RASAL2: variants seen among roughly 807,000 people sequenced by gnomAD.
RASAL2 encodes RAS protein activator like 2.
Under a neutral mutation model 128.9 loss-of-function variants are expected in RASAL2, and 58 were observed. The observed-to-expected ratio is 0.45, with a 90% CI of 0.36 to 0.56. RASAL2 has a LOEUF of 0.56. RASAL2 is among the 20% of genes least tolerant of loss of function. RASAL2 has a pLI of 0.00. For synonymous variants in RASAL2, 561 were observed against 580.8 expected (o/e 0.97, Z 0.49); for missense variants, 1,360 against 1,601.6 (o/e 0.85, Z 2.57).
intron 3 of RASAL2, among the ~76,000 whole-genome samples, 164 bp downstream of exon 3, chr1:178,300,282 A>G (rs1472088705): frequency 1.3e-5 from 2 of 152,244 alleles, no homozygotes; most frequent in African/African-American, 4.8e-5. Flanking sequence ...TCTGTTCTTT[A>G]TAACCAACTG....
chr1:178,277,191 C>T (rs560166636), intron 1 of RASAL2, among the ~76,000 whole-genome samples: 1 of 151,074 alleles, frequency 6.6e-6, no homozygotes, highest in East Asian at 1.9e-4. Flanking sequence ...GTTAATTGGC[C>T]TATTAATATG....
chr1:178,433,543 C>T (rs1291045637), intron 5 of RASAL2, among the ~76,000 whole-genome samples: 4 of 151,904 alleles, frequency 2.6e-5, no homozygotes. Flanking sequence ...TAGATGGATT[C>T]ATACATATAT....
At chr1:178,384,837 C>T (rs1275458082) in intron 3 of RASAL2, among the ~76,000 whole-genome samples, 3 of 151,658 alleles carry the variant, frequency 2.0e-5, no homozygotes, top group African/African-American at 2.4e-5. Flanking sequence ...TTGTTTTTTA[C>T]GCTATGGTAA....
chr1:178,175,656 C>G (rs1661860816), intron 1 of RASAL2, among the ~76,000 whole-genome samples: 2 of 148,746 alleles, frequency 1.3e-5, no homozygotes, highest in Non-Finnish European at 3.0e-5. Context: ...GTACATTGTA[C>G]CCTATATGTA....
At position 178,458,357 on chromosome 1, in the gene RASAL2, G is replaced by A. The variant is rs757685198; in HGVS notation, c.3065G>A (p.Arg1022Gln). 1.6e-5 allele frequency: 26 copies of A among 1,614,086 alleles called. No individual in the cohort carries two copies. Among genetic ancestry groups the A allele is most frequent in the Middle Eastern group, 1.6e-4 (1 of 6,084 alleles). Residue 1022 changes from arginine (R) to glutamine (Q), a missense_variant, in exon 14 of 18, where the codon CGA becomes CAA. By Grantham distance (43) the Arg-to-Gln change is conservative. Transcript: ENST00000367649. The part of the protein sequence containing the change: ...RKVDQGGLGA[R>Q]AKAPPSLPHS... The stretch of plus-strand genomic sequence containing the variant: ...GTGGACCAGGGTGGGTTAGGTGCCC[G>A]AGCCAAAGCCCCACCATCCCTGCCA...
chr1:178,182,291 T>C (rs1662143134), intron 1 of RASAL2, among the ~76,000 whole-genome samples: 1 of 152,198 alleles, frequency 6.6e-6, no homozygotes. Flanking sequence ...ATCCTTACTT[T>C]TTGGCACTAC....
chr1:178,125,949 C>A (rs577178193), intron 1 of RASAL2, among the ~76,000 whole-genome samples: 1 of 152,258 alleles, frequency 6.6e-6, no homozygotes, highest in South Asian at 2.1e-4. Context: ...ACCTAAGGAG[C>A]AAGGGCTGGT....
At chr1:178,270,485 G>A (rs1228983382) in intron 1 of RASAL2, among the ~76,000 whole-genome samples, 1 of 151,626 alleles carries the variant, frequency 6.6e-6, no homozygotes, top group East Asian at 1.9e-4. Context: ...AGCTCTGTAA[G>A]TGTTGCTTTT....
At chr1:178,152,044 T>A (rs529913352) in intron 1 of RASAL2, among the ~76,000 whole-genome samples, 1 of 152,198 alleles carries the variant, frequency 6.6e-6, no homozygotes, top group South Asian at 2.1e-4. Context: ...TGATTACACC[T>A]AAATTTATGC....
chr1:178,464,988 T>G (rs576418097), intron 15 of RASAL2, among the ~76,000 whole-genome samples: 1 of 152,052 alleles, frequency 6.6e-6, no homozygotes, highest in Non-Finnish European at 1.5e-5. Context: ...AACAAGAACC[T>G]TGTCATCATA....
At chr1:178,460,212 C>T (rs1231838631) in intron 14 of RASAL2, among the ~76,000 whole-genome samples, 1 of 152,188 alleles carries the variant, frequency 6.6e-6, no homozygotes, top group Non-Finnish European at 1.5e-5. Flanking sequence ...TGAGATCTGG[C>T]AGAGAGGGAC....
At chr1:178,125,085 CA>C (rs1055509575) in intron 1 of RASAL2, among the ~76,000 whole-genome samples, 1 of 152,122 alleles carries the variant, frequency 6.6e-6, no homozygotes, top group African/African-American at 2.4e-5. Context: ...GCCCAAACAT[CA>C]GTTAGAAAAA....
At chr1:178,195,180 C>A (rs1448117323) in intron 1 of RASAL2, among the ~76,000 whole-genome samples, 1 of 152,166 alleles carries the variant, frequency 6.6e-6, no homozygotes, top group Non-Finnish European at 1.5e-5. Context: ...GTCAACTAGA[C>A]AGGTGTGGCT....
chr1:178,306,828 C>T (rs1668012005), intron 3 of RASAL2, among the ~76,000 whole-genome samples: 1 of 128,172 alleles, frequency 7.8e-6, no homozygotes, highest in Non-Finnish European at 1.5e-5. Context: ...ATCACATGGA[C>T]ACAGGAAGGG....
At chr1:178,402,866 T>C (rs1273626818) in intron 4 of RASAL2, among the ~76,000 whole-genome samples, 1 of 152,076 alleles carries the variant, frequency 6.6e-6, no homozygotes, top group Non-Finnish European at 1.5e-5. Context: ...CCCCTGACAA[T>C]GAAAAAAAAT....
intron 1 of RASAL2, among the ~76,000 whole-genome samples, chr1:178,098,317 G>C (rs1386034875): frequency 6.6e-6 from 1 of 152,154 alleles, no homozygotes; most frequent in Non-Finnish European, 1.5e-5. Flanking sequence ...TTAAACAAAG[G>C]CATGCCACAA....
chr1:178,131,375 C>CTTTTTTTTTTTTTTTTTTTTTTTTTTT (rs71108028), intron 1 of RASAL2, among the ~76,000 whole-genome samples: 1 of 82,606 alleles, frequency 1.2e-5, no homozygotes, highest in Non-Finnish European at 2.2e-5. Context: ...CCTGGATAAT[C>CTTTTTTTTTTTTTTTTTTTTTTTTTTT]TTTTTTTTTT....
At chr1:178,336,059 C>T (rs1669570859) in intron 3 of RASAL2, among the ~76,000 whole-genome samples, 2 of 152,100 alleles carry the variant, frequency 1.3e-5, no homozygotes, top group South Asian at 4.1e-4. Flanking sequence ...GGGCAAGTTA[C>T]TCACTTAACT....
At chr1:178,428,801 C>G (rs560690624) in intron 5 of RASAL2, among the ~76,000 whole-genome samples, 6 of 152,152 alleles carry the variant, frequency 3.9e-5, no homozygotes, top group Non-Finnish European at 4.4e-5. Context: ...ACACTTGCCC[C>G]AGCCAAACCA....
Sources: gnomAD v4.1 joint callset for allele counts (sites outside exome capture counted in the v4.1 genomes callset) on GRCh38, gnomAD v4.1.1 for gene constraint, MANE v1.5 for transcripts, NCBI Gene and HGNC (gene_info 2026-07-23, HGNC 2026-07-21) for gene names.